ANO2: variants seen among roughly 807,000 people sequenced by gnomAD.
ANO2 encodes the protein anoctamin 2, also known as anoctamin-2.
In ANO2, 101 loss-of-function variants were observed where a neutral mutation model predicts 124.2. That is an observed-to-expected ratio of 0.81 (90% CI 0.69 to 0.96). The LOEUF is 0.96. ANO2 is among the 40% of genes least tolerant of loss of function. The pLI is 0.00. For missense variants in ANO2, 1,293 were observed against 1,274.5 expected, an observed-to-expected ratio of 1.01 and a Z score of -0.22; for synonymous variants, 486 against 482.5, an observed-to-expected ratio of 1.01 and a Z score of -0.09.
intron 14 of ANO2, among the ~76,000 whole-genome samples, chr12:5,661,972 T>C (rs1470841628): frequency 1.3e-5 from 2 of 152,222 alleles, no homozygotes; most frequent in African/African-American, 4.8e-5. Context: ...ATCCGCCATG[T>C]CAGCTGTCAG....
chr12:5,660,000 T>C (rs901997172), intron 14 of ANO2, among the ~76,000 whole-genome samples: 2 of 152,202 alleles, frequency 1.3e-5, no homozygotes, highest in African/African-American at 4.8e-5. Context: ...CATCCCTCTC[T>C]GAGCCTTCTT....
At chr12:5,596,666 T>C (rs1831234712) in intron 20 of ANO2, among the ~76,000 whole-genome samples, 1 of 152,202 alleles carries the variant, frequency 6.6e-6, no homozygotes, top group Non-Finnish European at 1.5e-5. Flanking sequence ...TCTCATTTCT[T>C]GGTAAGCACC....
intron 3 of ANO2, among the ~76,000 whole-genome samples, chr12:5,874,448 C>CT (rs1458523069): frequency 1.3e-5 from 2 of 152,326 alleles, no homozygotes; most frequent in East Asian, 3.9e-4. Context: ...GAGCTGCAGG[C>CT]TTCTTTGGTG....
chr12:5,755,072 C>T (rs1951537593), intron 10 of ANO2, among the ~76,000 whole-genome samples: 1 of 151,938 alleles, frequency 6.6e-6, no homozygotes, highest in Non-Finnish European at 1.5e-5. Flanking sequence ...ATTGCTTTTG[C>T]TGCCTCTCAT....
chr12:5,944,722 T>C (rs1366208910), intron 1 of ANO2, among the ~76,000 whole-genome samples: 1 of 152,158 alleles, frequency 6.6e-6, no homozygotes, highest in African/African-American at 2.4e-5. Context: ...AAAAAACTTC[T>C]GAAACTGAGA....
chr12:5,743,510 T>C (rs1951172060), intron 12 of ANO2, among the ~76,000 whole-genome samples: 12 of 152,052 alleles, frequency 7.9e-5, no homozygotes. Flanking sequence ...TGTGTGTGTT[T>C]ACAGTCAGCT....
chr12:5,701,372 T>C (rs922395192), intron 14 of ANO2, among the ~76,000 whole-genome samples: 4 of 152,146 alleles, frequency 2.6e-5, no homozygotes, highest in African/African-American at 9.7e-5. Flanking sequence ...TTTTGCCATT[T>C]TTCTTATTGA....
At chr12:5,923,081 TACACAC>T (rs58095934) in intron 1 of ANO2, among the ~76,000 whole-genome samples, 1 of 21,870 alleles carries the variant, frequency 4.6e-5, no homozygotes, top group African/African-American at 1.1e-4. Context: ...CATGCACACA[TACACAC>T]ACACACGCAC....
At chr12:5,661,663 T>G (rs1947449348) in intron 14 of ANO2, among the ~76,000 whole-genome samples, 1 of 152,134 alleles carries the variant, frequency 6.6e-6, no homozygotes, top group Admixed American at 6.5e-5. Context: ...GCGATGCCAC[T>G]GGGTCCCACT....
At chr12:5,720,820 G>A (rs1171004777) in intron 14 of ANO2, among the ~76,000 whole-genome samples, 1 of 152,134 alleles carries the variant, frequency 6.6e-6, no homozygotes, top group Non-Finnish European at 1.5e-5. Flanking sequence ...CTCCTTATTT[G>A]TAACTTCCTA....
chr12:5,617,631 CAA>C (rs1458151895), intron 16 of ANO2, among the ~76,000 whole-genome samples: 1 of 151,724 alleles, frequency 6.6e-6, no homozygotes, highest in Non-Finnish European at 1.5e-5. Flanking sequence ...CACAGCATAC[CAA>C]ACTCTCCAGA....
intron 16 of ANO2, among the ~76,000 whole-genome samples, chr12:5,622,351 T>C (rs1945157654): frequency 6.6e-6 from 1 of 152,202 alleles, no homozygotes; most frequent in African/African-American, 2.4e-5. Context: ...TTATGAGTTT[T>C]ACTTCTAAAA....
intron 3 of ANO2, among the ~76,000 whole-genome samples, chr12:5,898,160 G>A (rs2136278586): frequency 6.6e-6 from 1 of 152,242 alleles, no homozygotes; most frequent in South Asian, 2.1e-4. Context: ...CTCATTAGCA[G>A]TCACCAGATA....
chr12:5,742,786 G>A (rs559998979), intron 12 of ANO2, among the ~76,000 whole-genome samples: 28 of 152,150 alleles, frequency 1.8e-4, no homozygotes, highest in Non-Finnish European at 3.8e-4. Flanking sequence ...TGGATCTTGG[G>A]GTAATTCCAC....
At chr12:5,692,943 T>C (rs431058) in intron 14 of ANO2, among the ~76,000 whole-genome samples, 152,174 of 152,306 alleles carry the variant, frequency 1, 76,021 homozygotes, top group Middle Eastern at 1. Context: ...TAATAACTCC[T>C]TTCATCCTGA....
At chr12:5,836,420 T>C (rs1461423114) in intron 4 of ANO2, among the ~76,000 whole-genome samples, 1 of 152,216 alleles carries the variant, frequency 6.6e-6, no homozygotes, top group African/African-American at 2.4e-5. Flanking sequence ...TTATCTGAAA[T>C]TGAAATTTAA....
At chr12:5,823,827 C>T (rs763999258) in intron 7 of ANO2, among the ~76,000 whole-genome samples, 1 of 152,256 alleles carries the variant, frequency 6.6e-6, no homozygotes, top group Non-Finnish European at 1.5e-5. Flanking sequence ...CTTTCGCCTG[C>T]ACATCCAGGC....
At chr12:5,651,040 C>T (rs537143773) in intron 14 of ANO2, among the ~76,000 whole-genome samples, 1 of 152,360 alleles carries the variant, frequency 6.6e-6, no homozygotes, top group African/African-American at 2.4e-5. Context: ...TGAGTGCATG[C>T]ATATGAGAGA....
At chr12:5,625,124 T>C (rs899802833) in intron 16 of ANO2, among the ~76,000 whole-genome samples, 1 of 152,154 alleles carries the variant, frequency 6.6e-6, no homozygotes, top group African/African-American at 2.4e-5. Context: ...GAAGCTGTTG[T>C]AGATTTCTGA....
Sources: allele counts gnomAD v4.1 joint callset (sites outside exome capture counted in the v4.1 genomes callset), GRCh38; gene constraint gnomAD v4.1.1; transcripts MANE v1.5; gene names NCBI Gene and HGNC (gene_info 2026-07-23, HGNC 2026-07-21).